FRMPD1: variants seen among roughly 807,000 people sequenced by gnomAD.
FRMPD1 encodes FERM and PDZ domain containing 1, also known as FERM and PDZ domain-containing protein 1.
FRMPD1 carries 76 observed loss-of-function variants against 117.8 expected under a neutral mutation model. The ratio of observed to expected loss-of-function variants is 0.65; its 90% CI spans 0.54 to 0.78. The LOEUF is 0.78. Ranked by LOEUF, FRMPD1 falls within the 30% of genes least tolerant of loss-of-function variation. The pLI is 0.00. For synonymous variants in FRMPD1, 783 were observed against 770.4 expected (o/e 1.02, Z -0.27); for missense variants, 1,786 against 1,964.5 (o/e 0.91, Z 1.72).
chr9:37,744,319 C>T (rs1824571217), intron 15 of FRMPD1, 70 bp from the exon 16 acceptor site: 1 of 1,194,848 alleles, frequency 8.4e-7, no homozygotes, highest in Admixed American at 2.2e-5. Flanking sequence ...AAGCCCAAGG[C>T]CTGAGCCCAA....
the FRMPD1 span, among the ~76,000 whole-genome samples, chr9:37,623,184 C>A: frequency 6.6e-6 from 1 of 152,128 alleles, no homozygotes; most frequent in Non-Finnish European, 1.5e-5. Context: ...TGAATTCATT[C>A]GTGGAAGCTG....
upstream of FRMPD1, among the ~76,000 whole-genome samples, chr9:37,648,728 A>C (rs956264666): frequency 1.3e-5 from 2 of 152,162 alleles, no homozygotes; most frequent in Admixed American, 1.3e-4. Context: ...TTAGGTGCCC[A>C]GAGGAAGGAA....
Position 37,707,583 on chromosome 9 carries a change from G to A in FRMPD1, c.259+10G>A. The stretch of plus-strand genomic sequence containing the variant: ...GTGGCTGTCACAGCAGGTAGGGGAT[G>A]ACTGGGAAATGAGAAAGGAGTTTGG... On this transcript the variant is annotated intron_variant, in intron 3 of 15. Coordinates refer to ENST00000377765, the MANE Select transcript of FRMPD1 (RefSeq NM_014907.3). 1 of 1,610,782 alleles carries A rather than the reference G, an allele frequency of 6.2e-7. No homozygotes were observed. The highest frequency in any genetic ancestry group is 8.5e-7 in the Non-Finnish European group (1 of 1,177,782).
the FRMPD1 span, among the ~76,000 whole-genome samples, chr9:37,610,849 G>A: frequency 2.0e-5 from 3 of 152,038 alleles, no homozygotes; most frequent in Admixed American, 6.5e-5. Context: ...TGATCTGCCC[G>A]CCTCAGCTTC....
Position 37,696,716 on chromosome 9 carries a change from A to G in FRMPD1, c.101+3974A>G, listed in dbSNP as rs967628187. Among the ~76,000 whole-genome samples, 11 of 152,350 alleles carry G rather than the reference A, an allele frequency of 7.2e-5. No homozygotes were observed. In the East Asian group the frequency reaches 2.1e-3, roughly 29 times the overall value. On this transcript the variant is annotated intron_variant, in intron 2 of 15. Coordinates refer to ENST00000377765, the MANE Select transcript of FRMPD1 (RefSeq NM_014907.3). The stretch of plus-strand genomic sequence containing the variant: ...CAAGAAATCAAGGAAGTGTATTGAA[A>G]TGTCCTCTATAGTGCAGAAGGAAGA...
chr9:37,680,461 A>G (rs992513762), intron 1 of FRMPD1, among the ~76,000 whole-genome samples: 1 of 152,246 alleles, frequency 6.6e-6, no homozygotes, highest in African/African-American at 2.4e-5. Context: ...ATGAAGCTAA[A>G]ACGAGAGGCA....
chr9:37,707,566 C>A lies in FRMPD1; in HGVS notation c.252C>A (p.Val84=), dbSNP rs1822759119. Residue 84 remains valine, a synonymous_variant, in exon 3 of 16, where the codon GTC becomes GTA. Coordinates refer to ENST00000377765, the MANE Select transcript of FRMPD1 (RefSeq NM_014907.3). The part of the protein sequence containing the change: ...SESLPLTVVA[V]TAGGSAHGKL... ...GCCTTCCCCTTACAGTGGTGGCTGT[C>A]ACAGCAGGTAGGGGATGACTGGGAA... The A allele has an allele frequency of 1.2e-6, 2 of 1,613,018 alleles. No individual in the cohort carries two copies. The highest frequency in any genetic ancestry group is 1.7e-5 in the Admixed American group (1 of 59,928).
the FRMPD1 span, among the ~76,000 whole-genome samples, chr9:37,625,185 G>A: frequency 6.6e-6 from 1 of 152,318 alleles, no homozygotes; most frequent in Middle Eastern, 3.4e-3. Flanking sequence ...GTGATTTGGA[G>A]GGGGTAGCAG....
intron 2 of FRMPD1, among the ~76,000 whole-genome samples, chr9:37,695,213 G>A (rs950314382): frequency 6.6e-6 from 1 of 152,184 alleles, no homozygotes; most frequent in Non-Finnish European, 1.5e-5. Flanking sequence ...TCTGTGTTTA[G>A]TCTTTTGAGG....
the FRMPD1 span, among the ~76,000 whole-genome samples, chr9:37,617,612 C>A: frequency 3.9e-5 from 6 of 152,266 alleles, no homozygotes; most frequent in African/African-American, 1.4e-4. Flanking sequence ...CCAATCCAAT[C>A]TGACCACTTG....
intron 6 of FRMPD1, among the ~76,000 whole-genome samples, chr9:37,721,668 A>C (rs1245577820): frequency 6.6e-6 from 1 of 152,212 alleles, no homozygotes; most frequent in Non-Finnish European, 1.5e-5. Context: ...CAATAATTTA[A>C]ATGTGAAAAT....
chr9:37,683,027 C>G (rs1217920806), intron 1 of FRMPD1, among the ~76,000 whole-genome samples: 1 of 152,210 alleles, frequency 6.6e-6, no homozygotes, highest in Non-Finnish European at 1.5e-5. Context: ...TACCCATTAG[C>G]AGTCAGTTCC....
the FRMPD1 span, among the ~76,000 whole-genome samples, chr9:37,624,824 G>T: frequency 1.8e-3 from 279 of 152,290 alleles, no homozygotes; most frequent in African/African-American, 6.2e-3. Context: ...TACCCAGAGG[G>T]CTGCTCAATC....
the FRMPD1 span, among the ~76,000 whole-genome samples, chr9:37,628,220 T>C: frequency 6.6e-6 from 1 of 152,246 alleles, no homozygotes; most frequent in African/African-American, 2.4e-5. Context: ...GAAGGCTTTC[T>C]GTAGGGCTTT....
chr9:37,641,722 TCC>T, the FRMPD1 span, among the ~76,000 whole-genome samples: 1 of 152,136 alleles, frequency 6.6e-6, no homozygotes, highest in Non-Finnish European at 1.5e-5. Flanking sequence ...TCCAAGACTT[TCC>T]CCTGCGTCTG....
At chr9:37,704,934 T>G (rs1822650043) in intron 2 of FRMPD1, among the ~76,000 whole-genome samples, 1 of 152,170 alleles carries the variant, frequency 6.6e-6, no homozygotes, top group African/African-American at 2.4e-5. Flanking sequence ...ATTATTTTCT[T>G]TAAATAAATC....
At chr9:37,627,035 T>C in the FRMPD1 span, among the ~76,000 whole-genome samples, 2 of 152,090 alleles carry the variant, frequency 1.3e-5, no homozygotes, top group Non-Finnish European at 2.9e-5. Flanking sequence ...TGCCAGTTAC[T>C]CCACCTTCGA....
the FRMPD1 span, among the ~76,000 whole-genome samples, chr9:37,611,056 C>T: frequency 6.6e-6 from 1 of 152,198 alleles, no homozygotes; most frequent in Non-Finnish European, 1.5e-5. Flanking sequence ...AGCATCATTT[C>T]ACCCATGTAA....
At chr9:37,720,559 C>A (rs1823352963) in intron 6 of FRMPD1, among the ~76,000 whole-genome samples, 1 of 152,108 alleles carries the variant, frequency 6.6e-6, no homozygotes, top group African/African-American at 2.4e-5. Flanking sequence ...GTCCCAGCTA[C>A]TTGGGAGGCT....
Sources: gnomAD v4.1 joint callset for allele counts (sites outside exome capture counted in the v4.1 genomes callset) on GRCh38, gnomAD v4.1.1 for gene constraint, MANE v1.5 for transcripts, NCBI Gene and HGNC (gene_info 2026-07-23, HGNC 2026-07-21) for gene names.